CD151: variants seen among roughly 807,000 people sequenced by gnomAD.
CD151 encodes the protein CD151 antigen.
CD151 carries 20 observed loss-of-function variants against 34.2 expected under a neutral mutation model. The ratio of observed to expected loss-of-function variants is 0.58; its 90% confidence interval spans 0.41 to 0.85. The LOEUF (loss-of-function observed/expected upper bound fraction) is 0.85, where lower values mean the gene tolerates loss of function less well. Ranked by LOEUF, CD151 falls within the 40% of genes least tolerant of loss-of-function variation. CD151 has a pLI of 0.00. For synonymous variants in CD151, 157 were observed against 131.7 expected, an observed-to-expected ratio of 1.19 and a Z score of -1.32; for missense variants, 306 against 324.5, an observed-to-expected ratio of 0.94 and a Z score of 0.44.
chr11:835,888 C>G, intron 2 of CD151, 175 bp from the exon 3 acceptor site: 1 of 584,802 alleles, frequency 1.7e-6, no homozygotes, highest in Non-Finnish European at 3.1e-6. Context: ...GGGGTTTCAC[C>G]GTGTTAGCCA....
chr11:837,592 C>G lies in CD151; in HGVS notation c.589C>G (p.His197Asp). ...TVVALCGQRD[H>D]ASNIYKVEGG... is the part of the protein sequence containing the mutation. Reference sequence around the variant, plus strand: ...GGTGGCTCTTTGTGGGCAGCGAGACCATGCCTCCAACATCTACAAGGTGGA... The same window carrying G: ...GGTGGCTCTTTGTGGGCAGCGAGACGATGCCTCCAACATCTACAAGGTGGA... Residue 197 changes from histidine to aspartate, a missense_variant, in exon 7 of 9, where the codon CAT (histidine) becomes GAT (aspartate). Transcript: ENST00000397420. 4 of 1,612,604 alleles carry G rather than the reference C, an allele frequency of 2.5e-6. No homozygotes were observed. Among genetic ancestry groups the G allele is most frequent in the Non-Finnish European group, 2.5e-6 (3 of 1,179,754 alleles).
chr11:838,056 C>A (rs373886552), intron 8 of CD151, 28 bp downstream of exon 8: 1 of 1,610,356 alleles, frequency 6.2e-7, no homozygotes, highest in Non-Finnish European at 8.5e-7. Context: ...TGGCGGTCAT[C>A]TTGTTGGGGA....
chr11:834,342 G>A (rs1846671617), intron 1 of CD151, 188 bp from the exon 2 acceptor site: 1 of 152,434 alleles, frequency 6.6e-6, no homozygotes, highest in South Asian at 2.1e-4. Context: ...CTGGGTGACA[G>A]AGCGAAACTC....
At chr11:836,537 C>T (rs1846777772) in intron 4 of CD151, 95 bp downstream of exon 4, 3 of 886,552 alleles carry the variant, frequency 3.4e-6, no homozygotes, top group Non-Finnish European at 4.7e-6. Flanking sequence ...GCTGTGCTCA[C>T]CTGGGGGGGG....
intron 1 of CD151, among the ~76,000 whole-genome samples, chr11:833,581 C>T (rs1047340626): frequency 4.6e-5 from 7 of 152,172 alleles, no homozygotes; most frequent in African/African-American, 1.7e-4. Context: ...GTGCAGGTCC[C>T]GGGGACTTGG....
At position 836,307 on chromosome 11, in the gene CD151, C is replaced by G. The variant is rs1846763108; in HGVS notation, c.141C>G (p.Asp47Glu). 6.2e-7 allele frequency: 1 copy of G among 1,612,772 alleles called. No homozygotes were observed. Among genetic ancestry groups the G allele is most frequent in the Non-Finnish European group, 8.5e-7 (1 of 1,179,950 alleles). The change falls in exon 4 of 9, where the codon GAC becomes GAG. Residue 47 changes from aspartate (D) to glutamate (E), a missense_variant. Transcript: ENST00000397420. ...TCTGGACGCTGGCCCTCAAGAGTGACTACATCAGCCTGCTGGCCTCAGGCA... is the reference window on the plus strand; with the variant it reads ...TCTGGACGCTGGCCCTCAAGAGTGAGTACATCAGCCTGCTGGCCTCAGGCA... ...VGIWTLALKSDYISLLASGTY... is the reference protein window; with the variant it reads ...VGIWTLALKSEYISLLASGTY...
chr11:837,536 G>C lies in CD151; in HGVS notation c.533G>C (p.Arg178Pro). The change falls in exon 7 of 9, where the codon CGT becomes CCT. Residue 178 changes from arginine (R) to proline (P), a missense_variant. Arg to Pro is a moderately radical substitution (Grantham distance 103). Coordinates refer to ENST00000397420, the MANE Select transcript of CD151 (RefSeq NM_004357.5). ...EWIRSQEAGG[R>P]VVPDSCCKTV... ...ATCCGCTCACAGGAGGCCGGTGGCCGTGTGGTCCCAGACAGCTGCTGCAAG... is the reference window on the plus strand; with the variant it reads ...ATCCGCTCACAGGAGGCCGGTGGCCCTGTGGTCCCAGACAGCTGCTGCAAG... The C allele has an allele frequency of 6.2e-7, 1 of 1,613,056 alleles. No individual in the cohort carries two copies. The highest frequency in any genetic ancestry group is 8.5e-7 in the Non-Finnish European group (1 of 1,179,934).
chr11:838,714 T>G lies in CD151; in HGVS notation c.*522T>G. On this transcript the variant is annotated 3_prime_UTR_variant, in exon 9 of 9. Coordinates refer to ENST00000397420, the MANE Select transcript of CD151 (RefSeq NM_004357.5). ...GAAATGCCACGTGGTCACTGTGCAC[T>G]GCCCTGTTCATGTGCCTCTGCGGGG... 5.4e-6 allele frequency: 1 copy of G among 183,592 alleles called. No homozygotes were observed. The highest frequency in any genetic ancestry group is 1.2e-5 in the Non-Finnish European group (1 of 86,634). 11.4% of individuals were successfully genotyped at this position (183,592 alleles called of 1,614,324 possible).
intron 1 of CD151, 44 bp downstream of exon 1, chr11:833,070 G>GGCGAGGGGCGCGAGGGGGGCGAGGGGC (rs1846574275): frequency 3.1e-5 from 4 of 130,386 alleles, no homozygotes; most frequent in African/African-American, 1.1e-4. Flanking sequence ...GGGCGAGCGG[G>GGCGAGGGGCGCGAGGGGGGCGAGGGGC]GCGAGGGGGG....
chr11:836,017 G>C, intron 2 of CD151, 46 bp from the exon 3 acceptor site: 1 of 1,147,618 alleles, frequency 8.7e-7, no homozygotes, highest in Admixed American at 1.7e-5. Flanking sequence ...CTCCCAGTCA[G>C]GGGCCCGGTG....
intron 4 of CD151, 96 bp from the exon 5 acceptor site, chr11:836,673 G>A (rs573246601): frequency 2.4e-6 from 3 of 1,241,780 alleles, no homozygotes; most frequent in African/African-American, 1.5e-5. Context: ...CCCCCACCTG[G>A]AGCCTGGGGA....
At position 838,253 on chromosome 11, in the gene CD151, G is replaced by A. The variant is rs1846857941; in HGVS notation, c.*61G>A. On this transcript the variant is annotated 3_prime_UTR_variant, in exon 9 of 9. Coordinates refer to ENST00000397420, the MANE Select transcript of CD151 (RefSeq NM_004357.5). ...ACTGAGCTGAGACCACTGAGTACCAGGGGCTGGGCTCCCTGATGACACCCA... is the reference window on the plus strand; with the variant it reads ...ACTGAGCTGAGACCACTGAGTACCAAGGGCTGGGCTCCCTGATGACACCCA... The A allele has an allele frequency of 2.1e-6, 3 of 1,426,412 alleles. No individual in the cohort carries two copies. Among genetic ancestry groups the A allele is most frequent in the Non-Finnish European group, 3.0e-6 (3 of 1,011,378 alleles). 88.4% of individuals were successfully genotyped at this position (1,426,412 alleles called of 1,614,324 possible).
intron 7 of CD151, 120 bp from the exon 8 acceptor site, chr11:837,822 G>T: frequency 1.1e-6 from 1 of 880,088 alleles, no homozygotes; most frequent in Non-Finnish European, 1.7e-6. Context: ...CTGAGCTGTT[G>T]GTGGCCTGGC....
Position 837,991 on chromosome 11 carries a change from T to A in CD151, c.665T>A (p.Val222Asp). 2 of 1,613,224 alleles carry A rather than the reference T, an allele frequency of 1.2e-6. No individual in the cohort carries two copies. Among genetic ancestry groups the A allele is most frequent in the Non-Finnish European group, 1.7e-6 (2 of 1,179,828 alleles). ...ACCTTCATCCAGGAGCACCTGAGGG[T>A]CATTGGGGCTGTGGGGATCGGCATT... The part of the protein sequence containing the change: ...LETFIQEHLR[V>D]IGAVGIGIAC... Residue 222 changes from valine (V) to aspartate (D), a missense_variant, in exon 8 of 9, where the codon GTC becomes GAC. Val to Asp is a radical substitution (Grantham distance 152). Transcript: ENST00000397420.
rs755504233 is a variant in CD151 at position 836,366 on chromosome 11, C to T, written c.200C>T (p.Ala67Val). The change falls in exon 4 of 9, where the codon GCG becomes GTG. Residue 67 changes from alanine to valine, a missense_variant. By Grantham distance (64) the Ala-to-Val change is moderately conservative. Coordinates refer to ENST00000397420, the MANE Select transcript of CD151 (RefSeq NM_004357.5). ...YLATAYILVVAGTVVMVTGVL... is the reference protein window; with the variant it reads ...YLATAYILVVVGTVVMVTGVL... ...GCCACAGCCTACATCCTGGTGGTGG[C>T]GGGCACTGTCGTCATGGTGACTGGG... 16 of 1,612,338 alleles carry T rather than the reference C, an allele frequency of 9.9e-6. No homozygotes were observed. The highest frequency in any genetic ancestry group is 1.3e-5 in the African/African-American group (1 of 74,936).
intron 2 of CD151, chr11:835,814 A>T (rs529297499): frequency 1.6e-5 from 7 of 427,428 alleles, no homozygotes; most frequent in Non-Finnish European, 3.0e-5. Flanking sequence ...CAGCCTCCCA[A>T]GTAGCTGGGA....
At position 836,380 on chromosome 11, in the gene CD151, A is replaced by G; in HGVS notation, c.214A>G (p.Met72Val). 2.5e-6 allele frequency: 4 copies of G among 1,612,490 alleles called. No homozygotes were observed. Among genetic ancestry groups the G allele is most frequent in the Non-Finnish European group, 3.4e-6 (4 of 1,179,930 alleles). ...YILVVAGTVV[M>V]VTGVLGCCAT... The stretch of plus-strand genomic sequence containing the variant: ...CCTGGTGGTGGCGGGCACTGTCGTC[A>G]TGGTGACTGGGGTCTTGGGCTGCTG... Residue 72 changes from methionine (M) to valine (V), a missense_variant, in exon 4 of 9, where the codon ATG becomes GTG. Transcript: ENST00000397420.
chr11:836,177 C>CCT, intron 3 of CD151, 24 bp downstream of exon 3: 1 of 1,341,850 alleles, frequency 7.5e-7, no homozygotes, highest in Non-Finnish European at 1.1e-6. Flanking sequence ...GCCTTGCCCC[C>CCT]ACCCCCACCC....
intron 6 of CD151, 27 bp downstream of exon 6, chr11:837,381 G>A (rs371282398): frequency 3.7e-6 from 6 of 1,609,144 alleles, no homozygotes; most frequent in African/African-American, 1.3e-5. Context: ...GGGAGGGCGC[G>A]TGCATCCCCA....
Sources: gnomAD v4.1 joint callset for allele counts (sites outside exome capture counted in the v4.1 genomes callset) on GRCh38, gnomAD v4.1.1 for gene constraint, MANE v1.5 for transcripts, NCBI Gene and HGNC (gene_info 2026-07-23, HGNC 2026-07-21) for gene names.